Variants in EML6 observed in about 807,000 individuals in gnomAD.
The protein encoded by EML6 is EMAP like 6.
A neutral mutation model predicts 240.1 loss-of-function variants in EML6; 154 were observed. The observed-to-expected ratio is 0.64, with a 90% confidence interval of 0.56 to 0.73. The LOEUF is 0.73. EML6 is among the 30% of genes least tolerant of loss of function. EML6 has a pLI of 0.00. For missense variants in EML6, 2,964 were observed against 2,474.6 expected (o/e 1.20, Z -4.20); for synonymous variants, 1,148 against 899.0 (o/e 1.28, Z -4.95).
chr2:54,788,789 A>T (rs970427295), intron 2 of EML6, among the ~76,000 whole-genome samples: 1 of 152,236 alleles, frequency 6.6e-6, no homozygotes, highest in Non-Finnish European at 1.5e-5. Context: ...ATATTTTAGG[A>T]ATCAAAACAT....
Position 54,916,789 on chromosome 2 carries a change from T to A in EML6, c.3529T>A (p.Cys1177Ser). ...IEKIEWDTWT[C>S]VLGPTCEGIW... Reference sequence around the variant, plus strand: ...GAAGATAGAGTGGGACACATGGACCTGTGTCCTGGGGCCCACCTGTGAGGG... The same window carrying A: ...GAAGATAGAGTGGGACACATGGACCAGTGTCCTGGGGCCCACCTGTGAGGG... The change falls in exon 26 of 42, where the codon TGT becomes AGT. Residue 1177 changes from cysteine (C) to serine (S), a missense_variant. Physicochemically the swap from Cys to Ser is moderately radical, Grantham distance 112 (BLOSUM62 -1). Transcript: ENST00000356458. 6.5e-7 allele frequency: 1 copy of A among 1,537,762 alleles called. No homozygotes were observed. Among genetic ancestry groups the A allele is most frequent in the Non-Finnish European group, 8.8e-7 (1 of 1,136,378 alleles).
intron 2 of EML6, among the ~76,000 whole-genome samples, chr2:54,797,173 A>AAACAAAC (rs1669844626): frequency 7.1e-6 from 1 of 139,876 alleles, no homozygotes; most frequent in South Asian, 2.2e-4. Context: ...TCAAAAAAAA[A>AAACAAAC]AAAAAAAAAA....
chr2:54,861,811 C>G (rs1391001475), intron 12 of EML6, among the ~76,000 whole-genome samples: 3 of 149,712 alleles, frequency 2.0e-5, no homozygotes, highest in African/African-American at 4.9e-5. Flanking sequence ...AACCAACACA[C>G]AGTGTCAGTG....
chr2:54,808,006 A>G (rs1346399468), intron 2 of EML6, among the ~76,000 whole-genome samples: 1 of 152,242 alleles, frequency 6.6e-6, no homozygotes, highest in African/African-American at 2.4e-5. Flanking sequence ...TGCACCACTC[A>G]TCAAGCTTGT....
intron 40 of EML6, among the ~76,000 whole-genome samples, 187 bp from the exon 41 acceptor site, chr2:54,968,481 C>T (rs376362680): frequency 1.3e-5 from 2 of 152,124 alleles, no homozygotes; most frequent in East Asian, 3.9e-4. Flanking sequence ...ATAAAATGAC[C>T]TGAAGTGGGG....
intron 30 of EML6, among the ~76,000 whole-genome samples, chr2:54,951,183 T>C (rs1447502571): frequency 1.3e-5 from 2 of 152,204 alleles, no homozygotes; most frequent in African/African-American, 4.8e-5. Flanking sequence ...TTTTTCAAGT[T>C]GTATTTTGAC....
At chr2:54,850,876 T>C (rs1055100079) in intron 10 of EML6, among the ~76,000 whole-genome samples, 4 of 152,180 alleles carry the variant, frequency 2.6e-5, no homozygotes, top group Non-Finnish European at 4.4e-5. Flanking sequence ...TTGAATAAAT[T>C]AAACTAGAGC....
chr2:54,889,585 C>T (rs1309481503), intron 17 of EML6, among the ~76,000 whole-genome samples: 1 of 151,538 alleles, frequency 6.6e-6, no homozygotes, highest in Non-Finnish European at 1.5e-5. Context: ...TTATATTTTT[C>T]AACCAGTCAC....
chr2:54,767,407 A>G (rs1328916814), intron 2 of EML6, among the ~76,000 whole-genome samples: 2 of 152,198 alleles, frequency 1.3e-5, no homozygotes, highest in Admixed American at 1.3e-4. Context: ...TATTTATATC[A>G]AGACTGGATA....
At chr2:54,935,283 A>G (rs1187094480) in intron 28 of EML6, among the ~76,000 whole-genome samples, 2 of 152,148 alleles carry the variant, frequency 1.3e-5, no homozygotes, top group Admixed American at 6.5e-5. Context: ...TCTGGGCTCT[A>G]TGAGTACACA....
At chr2:54,903,613 T>G in intron 24 of EML6, 111 bp downstream of exon 24, 42 of 624,372 alleles carry the variant, frequency 6.7e-5, no homozygotes, top group Non-Finnish European at 8.9e-5. Flanking sequence ...GAAAGGGGAA[T>G]CCCACAACAA....
chr2:54,791,252 C>G (rs751588389), intron 2 of EML6, among the ~76,000 whole-genome samples: 3 of 152,144 alleles, frequency 2.0e-5, no homozygotes, highest in Admixed American at 1.3e-4. Context: ...CGGGAAGTGA[C>G]GGCACAGTTA....
At chr2:54,868,729 A>T (rs1050322906) in intron 14 of EML6, 3 of 154,134 alleles carry the variant, frequency 1.9e-5, no homozygotes, top group African/African-American at 7.2e-5. Flanking sequence ...TTCAACATGC[A>T]TACTTGTATT....
chr2:54,789,383 G>A (rs991937021), intron 2 of EML6, among the ~76,000 whole-genome samples: 10 of 151,020 alleles, frequency 6.6e-5, no homozygotes, highest in South Asian at 2.1e-4. Flanking sequence ...GCGTGATGGC[G>A]GGCGCCTGTA....
chr2:54,820,281 A>C, intron 4 of EML6, 113 bp from the exon 5 acceptor site: 1 of 659,738 alleles, frequency 1.5e-6, no homozygotes. Context: ...TATTCTGTGC[A>C]GGTAACATTG....
intron 7 of EML6, among the ~76,000 whole-genome samples, chr2:54,837,845 T>C (rs1669235530): frequency 6.6e-6 from 1 of 152,210 alleles, no homozygotes; most frequent in Non-Finnish European, 1.5e-5. Context: ...TTTTAAATGC[T>C]CTCTCTGTAG....
chr2:54,967,603 G>A (rs1289784540), intron 39 of EML6, among the ~76,000 whole-genome samples: 1 of 152,196 alleles, frequency 6.6e-6, no homozygotes, highest in Non-Finnish European at 1.5e-5. Flanking sequence ...GGGGTAACTT[G>A]TGTTTTTGGA....
intron 28 of EML6, among the ~76,000 whole-genome samples, chr2:54,940,247 C>T (rs1437189524): frequency 1.3e-5 from 2 of 152,138 alleles, no homozygotes; most frequent in Non-Finnish European, 2.9e-5. Context: ...CTATCTTCCA[C>T]CTCATTCTTT....
At chr2:54,736,693 G>A (rs1683406771) in intron 2 of EML6, among the ~76,000 whole-genome samples, 1 of 152,158 alleles carries the variant, frequency 6.6e-6, no homozygotes, top group Non-Finnish European at 1.5e-5. Context: ...TGGGTCAGCT[G>A]ATCACCTTCT....
Sources: gnomAD v4.1 joint callset for allele counts (sites outside exome capture counted in the v4.1 genomes callset) on GRCh38, gnomAD v4.1.1 for gene constraint, MANE v1.5 for transcripts, NCBI Gene and HGNC (gene_info 2026-07-23, HGNC 2026-07-21) for gene names.